SPECC1L: variants seen among roughly 807,000 people sequenced by gnomAD.
The protein encoded by SPECC1L is cytospin-A.
A neutral mutation model predicts 116.8 loss-of-function variants in SPECC1L; 40 were observed. That is an observed-to-expected ratio of 0.34 (90% CI 0.27 to 0.45). The LOEUF is 0.45. Ranked by LOEUF, SPECC1L falls within the 20% of genes least tolerant of loss-of-function variation. SPECC1L has a pLI of 1.00. For missense variants in SPECC1L, 1,110 were observed against 1,373.6 expected (o/e 0.81, Z 3.03); for synonymous variants, 504 against 500.6 (o/e 1.01, Z -0.09).
chr22:24,274,745 T>C (rs2048798883), intron 1 of SPECC1L, among the ~76,000 whole-genome samples: 1 of 152,244 alleles, frequency 6.6e-6, no homozygotes, highest in Non-Finnish European at 1.5e-5. Flanking sequence ...CACTTTCCCA[T>C]TTAAACCCTT....
chr22:24,398,735 C>T (rs1236151131), intron 14 of SPECC1L, among the ~76,000 whole-genome samples: 2 of 152,104 alleles, frequency 1.3e-5, no homozygotes, highest in Non-Finnish European at 2.9e-5. Context: ...AGAAGGCCCC[C>T]CTGGATGTTT....
rs943381222 is a variant in SPECC1L at position 24,414,945 on chromosome 22, G to A, written c.*322G>A. 43 of 368,724 alleles carry A rather than the reference G, an allele frequency of 1.2e-4. No homozygotes were observed. The highest frequency in any genetic ancestry group is 1.7e-4 in the Non-Finnish European group (33 of 192,442). The allele number at this position is 368,724 out of a possible 1,614,324, so 22.8% of individuals were successfully genotyped here. The stretch of plus-strand genomic sequence containing the variant: ...TGCTCCAGGGCACCAAACAAAAAGG[G>A]CTCATGCACAGCTGAATTTGGGAAA... On this transcript the variant is annotated 3_prime_UTR_variant, in exon 17 of 17. Coordinates refer to ENST00000314328, the MANE Select transcript of SPECC1L (RefSeq NM_015330.6).
In SPECC1L at chr22:24,363,304, G is replaced by A. The variant is rs773572281; in HGVS notation, c.2787G>A (p.Leu929=). 3 of 1,614,170 alleles carry A rather than the reference G, an allele frequency of 1.9e-6. No individual in the cohort carries two copies. Among genetic ancestry groups the A allele is most frequent in the South Asian group, 2.2e-5 (2 of 91,072 alleles). Residue 929 remains leucine (L), a synonymous_variant, in exon 12 of 17, where the codon CTG becomes CTA. Coordinates refer to ENST00000314328, the MANE Select transcript of SPECC1L (RefSeq NM_015330.6). ...CTTCAGCCAGCCGGCCTGCTTCCCT[G>A]CCAAGAGTGCCTGCGATGGAAAGTG... is the stretch of plus-strand genomic sequence containing the variant. ...RTSSASRPAS[L]PRVPAMESAK...
At chr22:24,308,687 G>C (rs2049551763) in intron 3 of SPECC1L, among the ~76,000 whole-genome samples, 1 of 152,002 alleles carries the variant, frequency 6.6e-6, no homozygotes, top group Non-Finnish European at 1.5e-5. Context: ...CCTGGTTTTA[G>C]CATTTTTTTT....
intron 2 of SPECC1L, among the ~76,000 whole-genome samples, chr22:24,298,935 A>G (rs2049320945): frequency 6.6e-6 from 1 of 152,344 alleles, no homozygotes; most frequent in Admixed American, 6.5e-5. Context: ...TAACCATCAC[A>G]CTGAGAGTGA....
chr22:24,377,164 T>C (rs529519342), intron 14 of SPECC1L, among the ~76,000 whole-genome samples: 2 of 152,242 alleles, frequency 1.3e-5, no homozygotes, highest in Non-Finnish European at 2.9e-5. Context: ...TCATCCATGC[T>C]GTAGCATATA....
At position 24,409,129 on chromosome 22, in the gene SPECC1L, C is replaced by T. The variant is rs536619152; in HGVS notation, c.3088-2459C>T. ...AGTGCTTTGTAAACTTTGTAAGATT[C>T]TGTACAGATATAGTTAATAATATAA... On this transcript the variant is annotated intron_variant, in intron 14 of 16. Transcript: ENST00000314328. 5.2e-4 allele frequency among the ~76,000 whole-genome samples: 79 copies of T among 152,334 alleles called. 1 individual carries two copies. The highest frequency in any genetic ancestry group is 1.6e-3 in the African/African-American group (65 of 41,574).
At chr22:24,334,175 G>A (rs891662416) in intron 8 of SPECC1L, among the ~76,000 whole-genome samples, 1 of 151,908 alleles carries the variant, frequency 6.6e-6, no homozygotes, top group African/African-American at 2.4e-5. Context: ...ACCGTGCCTG[G>A]CTAATTTTTT....
intron 14 of SPECC1L, among the ~76,000 whole-genome samples, chr22:24,390,195 T>G (rs565240598): frequency 1.8e-4 from 27 of 151,230 alleles, no homozygotes; most frequent in African/African-American, 5.6e-4. Flanking sequence ...AGAATGCCGC[T>G]CTTCCCCTGA....
chr22:24,277,318 T>C (rs2048855891), intron 2 of SPECC1L, among the ~76,000 whole-genome samples: 1 of 152,238 alleles, frequency 6.6e-6, no homozygotes, highest in East Asian at 1.9e-4. Flanking sequence ...ATATTATTCC[T>C]CATTATCCAT....
At chr22:24,313,117 A>C (rs977753828) in intron 3 of SPECC1L, among the ~76,000 whole-genome samples, 196 bp from the exon 4 acceptor site, 1 of 152,198 alleles carries the variant, frequency 6.6e-6, no homozygotes, top group Admixed American at 6.5e-5. Context: ...TTTTAAAAAG[A>C]AGTACGTGAT....
chr22:24,321,962 C>G lies in SPECC1L; in HGVS notation c.982C>G (p.Gln328Glu). 6.2e-7 allele frequency: 1 copy of G among 1,614,164 alleles called. No homozygotes were observed. Among genetic ancestry groups the G allele is most frequent in the Non-Finnish European group, 8.5e-7 (1 of 1,180,034 alleles). ...TGGCTCAGTGGAGGATCTCTTGAGT[C>G]AGGATGAAAATACACTAATGGACCA... Reference protein sequence around the residue: ...APGSVEDLLSQDENTLMDHQH... With the variant: ...APGSVEDLLSEDENTLMDHQH... Residue 328 changes from glutamine to glutamate, a missense_variant, in exon 5 of 17, where the codon CAG becomes GAG. By Grantham distance (29) the Gln-to-Glu change is conservative (BLOSUM62 2). Coordinates refer to ENST00000314328, the MANE Select transcript of SPECC1L (RefSeq NM_015330.6).
intron 3 of SPECC1L, among the ~76,000 whole-genome samples, chr22:24,306,164 C>G (rs543437778): frequency 1.0e-3 from 159 of 152,238 alleles, no homozygotes; most frequent in African/African-American, 3.7e-3. Context: ...ACCTCGGCCT[C>G]CCAAAGTGCT....
intron 14 of SPECC1L, among the ~76,000 whole-genome samples, chr22:24,381,745 G>A (rs1459478564): frequency 5.9e-5 from 9 of 152,076 alleles, no homozygotes; most frequent in South Asian, 2.1e-4. Flanking sequence ...TTAGCCAGGC[G>A]TGGTGGCAGG....
intron 11 of SPECC1L, among the ~76,000 whole-genome samples, chr22:24,347,622 G>T (rs1184943644): frequency 1.3e-5 from 2 of 152,096 alleles, no homozygotes; most frequent in African/African-American, 2.4e-5. Context: ...TGAGACTCTG[G>T]AAGATGAGGG....
chr22:24,331,790 G>T (rs577516312), intron 8 of SPECC1L, among the ~76,000 whole-genome samples: 15 of 152,010 alleles, frequency 9.9e-5, no homozygotes, highest in African/African-American at 3.6e-4. Flanking sequence ...GCAATAAATT[G>T]CACTCATAGT....
rs538398643 is a variant in SPECC1L, at chr22:24,303,337, C to T, written c.153+953C>T. Among the ~76,000 whole-genome samples the T allele has an allele frequency of 4.6e-5, 7 of 152,208 alleles. No individual in the cohort carries two copies. The East Asian group carries it at 1.3e-3, about 29-fold the overall frequency. Reference sequence around the variant, plus strand: ...ACACAGATTTTCTCCTAGCTGTGGCCCTGAGGAATTGTTAGGTATCATTCT... The same window carrying T: ...ACACAGATTTTCTCCTAGCTGTGGCTCTGAGGAATTGTTAGGTATCATTCT... On this transcript the variant is annotated intron_variant, in intron 3 of 16. Coordinates refer to ENST00000314328, the MANE Select transcript of SPECC1L (RefSeq NM_015330.6).
chr22:24,338,476 A>G lies in SPECC1L; in HGVS notation c.2651A>G (p.Gln884Arg), dbSNP rs1354701252. Reference protein sequence around the residue: ...TPPAAAVSPMQRHSISGPIST... With the variant: ...TPPAAAVSPMRRHSISGPIST... ...CCTGCAGCAGCTGTGTCCCCTATGC[A>G]GGTGAGTGCCTGGAACCACAGGAGG... The change falls in exon 10 of 17, where the codon CAG (glutamine) becomes CGG (arginine). Residue 884 changes from glutamine to arginine, a missense_variant and splice_region_variant. By Grantham distance (43) the Gln-to-Arg change is conservative. Around this residue, in one of 4 missense-constraint regions of SPECC1L, gnomAD observed 575 missense variants for 682.4 expected, o/e 0.84. Transcript: ENST00000314328. The G allele has an allele frequency of 1.2e-6, 2 of 1,613,868 alleles. No homozygotes were observed. Among genetic ancestry groups the G allele is most frequent in the African/African-American group, 1.3e-5 (1 of 74,910 alleles).
chr22:24,312,929 A>G (rs138970768), intron 3 of SPECC1L, among the ~76,000 whole-genome samples: 2 of 152,370 alleles, frequency 1.3e-5, no homozygotes, highest in African/African-American at 4.8e-5. Context: ...ACTTTAGAGC[A>G]GTGAAGATTA....
Sources: gnomAD v4.1 joint callset for allele counts (sites outside exome capture counted in the v4.1 genomes callset) on GRCh38, gnomAD v4.1.1 for gene constraint, gnomAD v4.1.1 regional missense constraint, MANE v1.5 for transcripts, NCBI Gene and HGNC (gene_info 2026-07-23, HGNC 2026-07-21) for gene names.